C8orf34: variants seen among roughly 807,000 people sequenced by gnomAD.
The protein encoded by C8orf34 is chromosome 8 open reading frame 34.
A neutral mutation model predicts 68.3 loss-of-function variants in C8orf34; 65 were observed. The ratio of observed to expected loss-of-function variants is 0.95; its 90% CI spans 0.78 to 1.17. The LOEUF is 1.17. Ranked by LOEUF, C8orf34 falls within the 50% of genes most tolerant of loss-of-function variation. The pLI is 0.00. For synonymous variants in C8orf34, 244 were observed against 241.2 expected (o/e 1.01, Z -0.11); for missense variants, 664 against 655.4 (o/e 1.01, Z -0.14).
At chr8:68,600,674 A>G (rs1456421163) in intron 7 of C8orf34, among the ~76,000 whole-genome samples, 1 of 152,180 alleles carries the variant, frequency 6.6e-6, no homozygotes, top group East Asian at 1.9e-4. Flanking sequence ...TATATGTGAT[A>G]TTTCGCTACA....
intron 8 of C8orf34, among the ~76,000 whole-genome samples, chr8:68,705,047 C>T (rs764098566): frequency 6.6e-6 from 1 of 152,080 alleles, no homozygotes; most frequent in Non-Finnish European, 1.5e-5. Context: ...AGATTCGAGA[C>T]ATTTCTTTAA....
chr8:68,637,835 C>T (rs1051211977), intron 7 of C8orf34, among the ~76,000 whole-genome samples: 10 of 151,750 alleles, frequency 6.6e-5, no homozygotes, highest in Admixed American at 2.0e-4. Flanking sequence ...TTGATGAGAC[C>T]GAAATTTTCC....
At chr8:68,605,619 A>C (rs1321255121) in intron 7 of C8orf34, among the ~76,000 whole-genome samples, 2 of 152,092 alleles carry the variant, frequency 1.3e-5, no homozygotes, top group Admixed American at 6.6e-5. Flanking sequence ...GAAATAAACC[A>C]ATCTGAAAAG....
rs147692900 is a variant in C8orf34, at chr8:68,503,783, C to T, written c.765+15732C>T. ...TAGTACTTCATAGACATGGAATAAA[C>T]GTTCACCTCTTGGGTTCTGATCCTT... On this transcript the variant is annotated intron_variant, in intron 5 of 13. Transcript: ENST00000518698. 4.7e-3 allele frequency among the ~76,000 whole-genome samples: 708 copies of T among 150,820 alleles called. 4 individuals carry two copies. The highest frequency in any genetic ancestry group is 8.6e-3 in the Non-Finnish European group (585 of 67,818).
At chr8:68,352,597 C>T (rs552930071) in intron 1 of C8orf34, among the ~76,000 whole-genome samples, 14 of 152,080 alleles carry the variant, frequency 9.2e-5, no homozygotes, top group South Asian at 2.1e-4. Flanking sequence ...CACTCCTTTA[C>T]GCACATGATT....
At chr8:68,336,272 G>C (rs1161033092) in intron 1 of C8orf34, among the ~76,000 whole-genome samples, 1 of 151,834 alleles carries the variant, frequency 6.6e-6, no homozygotes, top group African/African-American at 2.4e-5. Flanking sequence ...CATATGACAA[G>C]GAGAGCTAAG....
chr8:68,679,582 T>A (rs1287130036), intron 8 of C8orf34, among the ~76,000 whole-genome samples: 1 of 152,162 alleles, frequency 6.6e-6, no homozygotes, highest in Non-Finnish European at 1.5e-5. Flanking sequence ...CACTATCTTT[T>A]ATATGGAACC....
intron 7 of C8orf34, among the ~76,000 whole-genome samples, chr8:68,620,641 C>T (rs1163412848): frequency 6.7e-6 from 1 of 148,888 alleles, no homozygotes; most frequent in Non-Finnish European, 1.5e-5. Flanking sequence ...GGATTTTGAA[C>T]CTAAATTCAA....
chr8:68,384,420 C>T (rs78637788), intron 1 of C8orf34, among the ~76,000 whole-genome samples: 3,784 of 152,310 alleles, frequency 0.025, 67 homozygotes, highest in Middle Eastern at 0.065. Flanking sequence ...ATATATATGG[C>T]GCTGGCCTCT....
chr8:68,792,399 C>T (rs1205932854), intron 12 of C8orf34: 2 of 151,396 alleles, frequency 1.3e-5, no homozygotes, highest in Non-Finnish European at 2.9e-5. Flanking sequence ...GGTGAAACGC[C>T]GTCTCTACTA....
chr8:68,809,498 A>G (rs1021263191), intron 12 of C8orf34, among the ~76,000 whole-genome samples: 1 of 110,578 alleles, frequency 9.0e-6, no homozygotes, highest in African/African-American at 5.9e-5. Flanking sequence ...AGGGTTTTGG[A>G]GCCAGCCATG....
At chr8:68,405,689 CA>C (rs1809162392) in intron 1 of C8orf34, among the ~76,000 whole-genome samples, 1 of 152,142 alleles carries the variant, frequency 6.6e-6, no homozygotes, top group African/African-American at 2.4e-5. Flanking sequence ...ACAGGTAAAA[CA>C]CACAAGATAA....
rs116064136 is a variant in C8orf34, at chr8:68,804,244, C to A, written c.1550-11642C>A. Among the ~76,000 whole-genome samples the A allele has an allele frequency of 2.8e-3, 425 of 152,252 alleles. 2 individuals are homozygous for A. Among genetic ancestry groups the A allele is most frequent in the African/African-American group, 9.8e-3 (409 of 41,546 alleles). On this transcript the variant is annotated intron_variant, in intron 12 of 13. Transcript: ENST00000518698. ...AAACTTTTGCAATTGTTTTATAATG[C>A]TCATGTTTTCCCCTCAATTAAAATA...
intron 8 of C8orf34, among the ~76,000 whole-genome samples, chr8:68,702,753 T>C (rs1269597847): frequency 2.0e-5 from 3 of 152,158 alleles, no homozygotes; most frequent in African/African-American, 4.8e-5. Context: ...CATCAGGGAA[T>C]TTTTTAAGGG....
intron 8 of C8orf34, among the ~76,000 whole-genome samples, chr8:68,650,062 A>G (rs1819299743): frequency 6.6e-6 from 1 of 151,824 alleles, no homozygotes; most frequent in Admixed American, 6.6e-5. Flanking sequence ...TTTTAGAAAA[A>G]AAAAAGAAAT....
In C8orf34 at chr8:68,485,724, A is replaced by AATAAATAAATAAAT. The variant is rs34400081; in HGVS notation, c.737-2298_737-2297insTAAATAAATAAATA. ...AAGACTCTGTCTCAAAAAAAAATAA[A>AATAAATAAATAAAT]AAATAAATAAATAAATAAATAAATA... On this transcript the variant is annotated intron_variant, in intron 4 of 13. Transcript: ENST00000518698. Among the ~76,000 whole-genome samples the AATAAATAAATAAAT allele has an allele frequency of 3.2e-3, 472 of 147,284 alleles. 1 individual carries two copies. Among genetic ancestry groups the AATAAATAAATAAAT allele is most frequent in the African/African-American group, 9.2e-3 (370 of 40,252 alleles).
intron 8 of C8orf34, among the ~76,000 whole-genome samples, chr8:68,679,769 A>T (rs1820310389): frequency 6.6e-6 from 1 of 152,234 alleles, no homozygotes. Flanking sequence ...ACCCAGAAAG[A>T]AATTCATACA....
At chr8:68,812,043 A>G (rs1019089887) in intron 12 of C8orf34, among the ~76,000 whole-genome samples, 5 of 152,222 alleles carry the variant, frequency 3.3e-5, no homozygotes, top group Non-Finnish European at 5.9e-5. Flanking sequence ...GTTTTAACAT[A>G]AAGAAAACAC....
chr8:68,489,051 A>C (rs1435344030), intron 5 of C8orf34, among the ~76,000 whole-genome samples: 1 of 152,136 alleles, frequency 6.6e-6, no homozygotes, highest in Non-Finnish European at 1.5e-5. Context: ...TTTAGGAAAA[A>C]TACTTTTATT....
Sources: gnomAD v4.1 joint callset for allele counts (sites outside exome capture counted in the v4.1 genomes callset) on GRCh38, gnomAD v4.1.1 for gene constraint, MANE v1.5 for transcripts, NCBI Gene and HGNC (gene_info 2026-07-23, HGNC 2026-07-21) for gene names.